Variants in HECW1 observed in about 807,000 individuals in gnomAD.
HECW1 encodes the protein E3 ubiquitin-protein ligase HECW1.
HECW1 carries 61 observed loss-of-function variants against 182.3 expected under a neutral mutation model. The ratio of observed to expected loss-of-function variants is 0.33; its 90% CI spans 0.27 to 0.41. The LOEUF (loss-of-function observed/expected upper bound fraction) is 0.41, where lower values mean the gene tolerates loss of function less well. Among genes scored for constraint, HECW1 ranks in the 10% least tolerant of loss-of-function variants. HECW1 has a pLI of 1.00. For missense variants in HECW1, 1,739 were observed against 2,108.9 expected (o/e 0.82, Z 3.44); for synonymous variants, 859 against 832.6 (o/e 1.03, Z -0.55).
At chr7:43,195,186 T>C (rs80205527) in intron 2 of HECW1, among the ~76,000 whole-genome samples, 1,534 of 152,392 alleles carry the variant, frequency 0.01, 31 homozygotes, top group African/African-American at 0.035. Flanking sequence ...TTGCTAATTC[T>C]ATTTATTTCC....
intron 7 of HECW1, among the ~76,000 whole-genome samples, chr7:43,398,344 T>G (rs2075298437): frequency 6.6e-6 from 1 of 152,162 alleles, no homozygotes; most frequent in Non-Finnish European, 1.5e-5. Context: ...GCTCAGGGCT[T>G]CACACACTCA....
intron 3 of HECW1, among the ~76,000 whole-genome samples, chr7:43,308,204 T>TA: frequency 1.0e-5 from 1 of 97,502 alleles, no homozygotes; most frequent in East Asian, 2.3e-4. Flanking sequence ...TTTATATATA[T>TA]TTTTATATAT....
chr7:43,235,114 T>A (rs1199404799), intron 2 of HECW1, among the ~76,000 whole-genome samples: 2 of 152,090 alleles, frequency 1.3e-5, no homozygotes, highest in Non-Finnish European at 2.9e-5. Context: ...GCTGGCCAGG[T>A]CAGGAGAGCC....
intron 21 of HECW1, among the ~76,000 whole-genome samples, chr7:43,503,041 G>A (rs1369424592): frequency 6.6e-6 from 1 of 152,182 alleles, no homozygotes; most frequent in East Asian, 1.9e-4. Context: ...CCAAGTTGTA[G>A]CATTCAGAAG....
At chr7:43,319,723 C>T (rs1487901911) in intron 4 of HECW1, among the ~76,000 whole-genome samples, 1 of 147,146 alleles carries the variant, frequency 6.8e-6, no homozygotes, top group African/African-American at 2.6e-5. Context: ...CCTCAACCTC[C>T]CAAATAGCTG....
intron 5 of HECW1, among the ~76,000 whole-genome samples, chr7:43,341,919 A>G (rs575193092): frequency 6.6e-6 from 1 of 151,912 alleles, no homozygotes; most frequent in South Asian, 2.1e-4. Flanking sequence ...AGTAGCAAAA[A>G]TATCATGACT....
intron 5 of HECW1, among the ~76,000 whole-genome samples, chr7:43,334,475 C>T (rs539912798): frequency 2.6e-5 from 4 of 152,124 alleles, no homozygotes; most frequent in Non-Finnish European, 4.4e-5. Context: ...TTGAAAAATC[C>T]GCCAACACCC....
chr7:43,503,754 A>C (rs1288236175), intron 21 of HECW1, among the ~76,000 whole-genome samples: 2 of 152,220 alleles, frequency 1.3e-5, no homozygotes, highest in Non-Finnish European at 2.9e-5. Context: ...GTTTATGCCA[A>C]AGTACTCTGT....
intron 6 of HECW1, among the ~76,000 whole-genome samples, chr7:43,371,136 C>T (rs1440481086): frequency 1.3e-5 from 2 of 152,136 alleles, no homozygotes; most frequent in Non-Finnish European, 2.9e-5. Context: ...ATCCACCCGC[C>T]TCGGCCTCCC....
At chr7:43,446,978 T>C (rs367942802) in intron 11 of HECW1, among the ~76,000 whole-genome samples, 2 of 152,146 alleles carry the variant, frequency 1.3e-5, no homozygotes, top group African/African-American at 4.8e-5. Flanking sequence ...TACTCGATAA[T>C]TACAGCATAA....
chr7:43,563,615 T>C lies in HECW1; in HGVS notation c.*1689T>C. 5.5e-6 allele frequency: 1 copy of C among 183,326 alleles called. No individual in the cohort carries two copies. The highest frequency in any genetic ancestry group is 1.2e-5 in the Non-Finnish European group (1 of 86,294). 11.4% of individuals were successfully genotyped at this position (183,326 alleles called of 1,614,324 possible). On this transcript the variant is annotated 3_prime_UTR_variant, in exon 30 of 30. Transcript: ENST00000395891. ...CAGGAGCGGTGGCTCATGCCTGTAA[T>C]CCCAGCACTTTGGGAGGCCGAGGTG...
At chr7:43,427,183 T>C (rs979206132) in intron 8 of HECW1, among the ~76,000 whole-genome samples, 4 of 152,210 alleles carry the variant, frequency 2.6e-5, no homozygotes, top group African/African-American at 9.7e-5. Flanking sequence ...CTTTGATGTA[T>C]AACTAGACAC....
intron 3 of HECW1, among the ~76,000 whole-genome samples, chr7:43,265,953 G>C (rs1242254559): frequency 2.0e-5 from 3 of 152,150 alleles, no homozygotes; most frequent in Non-Finnish European, 2.9e-5. Context: ...AAACTTGAGG[G>C]GGGGTGTGGA....
At chr7:43,514,757 G>A (rs1472514231) in intron 24 of HECW1, among the ~76,000 whole-genome samples, 2 of 152,084 alleles carry the variant, frequency 1.3e-5, no homozygotes, top group East Asian at 3.8e-4. Flanking sequence ...GATCCATTGA[G>A]AACATGCTAA....
intron 3 of HECW1, among the ~76,000 whole-genome samples, chr7:43,262,247 C>CGTGTGTGTGT (rs10695541): frequency 0.22 from 33,469 of 149,480 alleles, 3,871 homozygotes; most frequent in Middle Eastern, 0.34. Flanking sequence ...TGTATGTGTG[C>CGTGTGTGTGT]GTGTGTGTGT....
chr7:43,416,417 C>G (rs1489439728), intron 8 of HECW1, among the ~76,000 whole-genome samples: 1 of 150,774 alleles, frequency 6.6e-6, no homozygotes, highest in African/African-American at 2.4e-5. Flanking sequence ...CTGGGAGAAC[C>G]ACTGCTCTCT....
At chr7:43,523,072 T>G in intron 24 of HECW1, 1 of 436,486 alleles carries the variant, frequency 2.3e-6, no homozygotes, top group Non-Finnish European at 4.6e-6. Context: ...GGTGCGATCT[T>G]GGCTCACTGC....
chr7:43,560,678 T>C (rs2082181480), intron 29 of HECW1, among the ~76,000 whole-genome samples: 1 of 152,226 alleles, frequency 6.6e-6, no homozygotes, highest in South Asian at 2.1e-4. Context: ...CTCTGATTTA[T>C]ATACTTTAAA....
chr7:43,488,398 GGAAA>G (rs2078755952), intron 17 of HECW1, among the ~76,000 whole-genome samples: 1 of 83,876 alleles, frequency 1.2e-5, no homozygotes, highest in African/African-American at 5.1e-5. Flanking sequence ...AAGGAAGGAA[GGAAA>G]TGAAAGAAAG....
Sources: gnomAD v4.1 joint callset for allele counts (sites outside exome capture counted in the v4.1 genomes callset) on GRCh38, gnomAD v4.1.1 for gene constraint, MANE v1.5 for transcripts, NCBI Gene and HGNC (gene_info 2026-07-23, HGNC 2026-07-21) for gene names.